POC1A: variants seen among roughly 807,000 people sequenced by gnomAD.
POC1A encodes the protein POC1 centriolar protein A, also known as POC1 centriolar protein homolog A.
A neutral mutation model predicts 47.8 loss-of-function variants in POC1A; 34 were observed. The observed-to-expected ratio is 0.71, with a 90% CI of 0.54 to 0.95. The LOEUF (loss-of-function observed/expected upper bound fraction) is 0.95. POC1A is among the 40% of genes least tolerant of loss of function. The pLI is 0.00. For missense variants in POC1A, 466 were observed against 528.3 expected (o/e 0.88, Z 1.16); for synonymous variants, 177 against 207.6 (o/e 0.85, Z 1.27).
chr3:52,075,691 G>A lies in POC1A; in HGVS notation c.*196C>T, dbSNP rs2106910445. The A allele has an allele frequency of 1.9e-6, 1 of 532,722 alleles. No homozygotes were observed. The highest frequency in any genetic ancestry group is 3.9e-4 in the Middle Eastern group (1 of 2,556). The allele number at this position is 532,722 out of a possible 1,614,324, so 33.0% of individuals were successfully genotyped here. A position where few individuals can be genotyped will look rare whatever the true frequency, so the allele number is the denominator to read the frequency against. On this transcript the variant is annotated 3_prime_UTR_variant, in exon 11 of 11. Transcript: ENST00000296484. ...CATTTGTGTGTGAGCCCGGCCCACT[G>A]GGGACCTCTGGCTGCCAGGTGGAGA... is the stretch of plus-strand genomic sequence containing the variant.
Position 52,151,102 on chromosome 3 carries a change from T to A in POC1A, c.19-2A>T. On this transcript the variant is annotated splice_acceptor_variant, in intron 1 of 10. Coordinates refer to ENST00000296484, the MANE Select transcript of POC1A (RefSeq NM_015426.5). LOFTEE classifies it high-confidence loss of function. ...ATGCCTTTCCAGCGAGGGGTCCTCCTGAGAGAGAGCCAGGGTCAAATGTGT... is the reference window on the plus strand; with the variant it reads ...ATGCCTTTCCAGCGAGGGGTCCTCCAGAGAGAGAGCCAGGGTCAAATGTGT... The A allele has an allele frequency of 6.2e-7, 1 of 1,613,524 alleles. No homozygotes were observed. Among genetic ancestry groups the A allele is most frequent in the Non-Finnish European group, 8.5e-7 (1 of 1,179,676 alleles).
intron 6 of POC1A, among the ~76,000 whole-genome samples, chr3:52,143,425 C>G (rs1472944358): frequency 1.3e-5 from 2 of 152,170 alleles, no homozygotes; most frequent in Non-Finnish European, 2.9e-5. Context: ...CCTGACAACC[C>G]TCTTCACAAG....
chr3:52,083,714 T>C (rs942392245), intron 10 of POC1A, among the ~76,000 whole-genome samples: 3 of 152,226 alleles, frequency 2.0e-5, no homozygotes, highest in Admixed American at 2.0e-4. Context: ...CACCTGGGAC[T>C]GAGCTCCAGG....
intron 9 of POC1A, among the ~76,000 whole-genome samples, chr3:52,106,623 A>T (rs1703193485): frequency 6.6e-6 from 1 of 152,240 alleles, no homozygotes; most frequent in Non-Finnish European, 1.5e-5. Context: ...TGTCACACAC[A>T]GAACCAGGAC....
chr3:52,080,590 G>A (rs1702248423), intron 10 of POC1A, among the ~76,000 whole-genome samples: 1 of 152,100 alleles, frequency 6.6e-6, no homozygotes, highest in South Asian at 2.1e-4. Flanking sequence ...TATTACAAAG[G>A]TCATAAGGAT....
At position 52,110,007 on chromosome 3, in the gene POC1A, C is replaced by G. The variant is rs146714507; in HGVS notation, c.981+12372G>C. 2.8e-3 allele frequency among the ~76,000 whole-genome samples: 421 copies of G among 152,262 alleles called. 3 individuals are homozygous for G. The highest frequency in any genetic ancestry group is 8.0e-3 in the African/African-American group (334 of 41,536). ...CCACACCACCCCATGTCATCTGCCC[C>G]CCAAAACTGACAAATAAGGCCAGAA... On this transcript the variant is annotated intron_variant, in intron 9 of 10. Transcript: ENST00000296484.
At chr3:52,138,897 G>A (rs534271886) in intron 6 of POC1A, among the ~76,000 whole-genome samples, 2 of 152,236 alleles carry the variant, frequency 1.3e-5, no homozygotes, top group Admixed American at 6.5e-5. Context: ...GCAGTGGTGC[G>A]ACCTCAGCTC....
intron 9 of POC1A, among the ~76,000 whole-genome samples, chr3:52,098,567 G>A (rs1208003564): frequency 6.6e-6 from 1 of 152,218 alleles, no homozygotes; most frequent in Admixed American, 6.5e-5. Flanking sequence ...ACAACAGAGG[G>A]TTGCGGCAGC....
At chr3:52,076,018 A>G in intron 10 of POC1A, 33 bp from the exon 11 acceptor site, 1 of 1,556,744 alleles carries the variant, frequency 6.4e-7, no homozygotes, top group African/African-American at 1.4e-5. Context: ...GTCAGAACAC[A>G]GAAGGGCCGC....
chr3:52,129,735 C>A lies in POC1A; in HGVS notation c.814-4554G>T, dbSNP rs112405972. The stretch of plus-strand genomic sequence containing the variant: ...TCTTCAGGGAGATGGTCCTGCTTAA[C>A]CAGTCATGAACCCAGACACAGCCTG... On this transcript the variant is annotated intron_variant, in intron 7 of 10. Coordinates refer to ENST00000296484, the MANE Select transcript of POC1A (RefSeq NM_015426.5). 8.6e-3 allele frequency among the ~76,000 whole-genome samples: 1,316 copies of A among 152,340 alleles called. 25 individuals are homozygous for A. Among genetic ancestry groups the A allele is most frequent in the African/African-American group, 0.03 (1,265 of 41,568 alleles).
chr3:52,127,992 G>A (rs937789864), intron 7 of POC1A, among the ~76,000 whole-genome samples: 2 of 152,052 alleles, frequency 1.3e-5, no homozygotes, highest in South Asian at 4.2e-4. Flanking sequence ...CACCGCACCT[G>A]GCCTACTTTG....
intron 10 of POC1A, among the ~76,000 whole-genome samples, chr3:52,083,851 CA>C (rs1702376931): frequency 6.6e-6 from 1 of 152,262 alleles, no homozygotes; most frequent in Non-Finnish European, 1.5e-5. Flanking sequence ...TGAGCCAATG[CA>C]AATGCTTTCC....
At chr3:52,100,421 T>C (rs754110822) in intron 9 of POC1A, among the ~76,000 whole-genome samples, 4 of 152,174 alleles carry the variant, frequency 2.6e-5, no homozygotes, top group Non-Finnish European at 5.9e-5. Context: ...AATTCCTTCC[T>C]AACAAGAAAA....
At chr3:52,122,508 G>A in intron 8 of POC1A, 31 bp from the exon 9 acceptor site, 5 of 1,351,972 alleles carry the variant, frequency 3.7e-6, no homozygotes, top group Non-Finnish European at 5.3e-6. Context: ...ACCAAGTCAG[G>A]AGAAGAAAAT....
intron 6 of POC1A, among the ~76,000 whole-genome samples, chr3:52,143,219 C>T (rs984277287): frequency 6.6e-6 from 1 of 152,066 alleles, no homozygotes; most frequent in Non-Finnish European, 1.5e-5. Flanking sequence ...AATCTCCCAG[C>T]AGGGCCTGTC....
chr3:52,131,871 G>A (rs980298268), intron 7 of POC1A, among the ~76,000 whole-genome samples: 3 of 152,096 alleles, frequency 2.0e-5, no homozygotes, highest in African/African-American at 7.2e-5. Flanking sequence ...CCAACCCTGG[G>A]GCAGAGGCCA....
chr3:52,135,300 C>T (rs1160568682), intron 7 of POC1A, among the ~76,000 whole-genome samples: 1 of 152,210 alleles, frequency 6.6e-6, no homozygotes, highest in African/African-American at 2.4e-5. Flanking sequence ...CAGTGGACCC[C>T]GTATCTTAAC....
chr3:52,087,808 C>A (rs1363327199), intron 10 of POC1A, among the ~76,000 whole-genome samples: 2 of 152,218 alleles, frequency 1.3e-5, no homozygotes, highest in African/African-American at 4.8e-5. Flanking sequence ...AAAGGGAGGA[C>A]CTGAGCCACA....
At chr3:52,127,107 C>G (rs939228358) in intron 7 of POC1A, among the ~76,000 whole-genome samples, 5 of 152,216 alleles carry the variant, frequency 3.3e-5, no homozygotes, top group Admixed American at 3.3e-4. Flanking sequence ...CCCAGCAGCC[C>G]TGGGAATCCT....
Sources: gnomAD v4.1 joint callset for allele counts (sites outside exome capture counted in the v4.1 genomes callset) on GRCh38, gnomAD v4.1.1 for gene constraint, MANE v1.5 for transcripts, NCBI Gene and HGNC (gene_info 2026-07-23, HGNC 2026-07-21) for gene names.